The following MDFIC2 variants were observed in gnomAD, a reference collection of about 807,000 sequenced individuals.
The protein encoded by MDFIC2 is myoD family inhibitor domain-containing protein 2.
At chr3:70,247,166 T>C (rs986801654) in intron 2 of MDFIC2, among the ~76,000 whole-genome samples, 2 of 152,022 alleles carry the variant, frequency 1.3e-5, no homozygotes, top group Non-Finnish European at 2.9e-5. Flanking sequence ...TTTTTCTCCT[T>C]TTTTCTAACT....
chr3:70,309,795 C>T (rs57078170), intron 2 of MDFIC2, among the ~76,000 whole-genome samples: 61,495 of 151,986 alleles, frequency 0.4, 12,958 homozygotes, highest in East Asian at 0.64. Flanking sequence ...AAACATAATT[C>T]GAGTGTAGCT....
chr3:70,262,055 T>C (rs546981718), intron 2 of MDFIC2, among the ~76,000 whole-genome samples: 30 of 152,184 alleles, frequency 2.0e-4, no homozygotes, highest in Non-Finnish European at 4.1e-4. Context: ...TCATGTGTCC[T>C]TGCTGGTCAA....
intron 2 of MDFIC2, among the ~76,000 whole-genome samples, chr3:70,256,720 C>T (rs4974264): frequency 0.99 from 151,227 of 152,314 alleles, 75,082 homozygotes; most frequent in Non-Finnish European, 1. Flanking sequence ...GATGGCATTA[C>T]TGGCCTTCTA....
At chr3:70,200,767 T>C (rs1459248704) in intron 3 of MDFIC2, among the ~76,000 whole-genome samples, 1 of 152,198 alleles carries the variant, frequency 6.6e-6, no homozygotes, top group Non-Finnish European at 1.5e-5. Context: ...GTAAATATTG[T>C]AATCCTCATT....
chr3:70,237,953 G>A (rs1414342487), intron 2 of MDFIC2, among the ~76,000 whole-genome samples: 3 of 120,820 alleles, frequency 2.5e-5, no homozygotes, highest in Non-Finnish European at 3.3e-5. Context: ...TAAAAGAGAA[G>A]GGAAAAGAAA....
At chr3:70,250,077 C>T (rs1701746032) in intron 2 of MDFIC2, among the ~76,000 whole-genome samples, 1 of 152,118 alleles carries the variant, frequency 6.6e-6, no homozygotes, top group South Asian at 2.1e-4. Flanking sequence ...TCAGGTTGTG[C>T]AAATTTTACA....
At chr3:70,243,285 A>C (rs1701678273) in intron 2 of MDFIC2, among the ~76,000 whole-genome samples, 2 of 151,974 alleles carry the variant, frequency 1.3e-5, no homozygotes, top group African/African-American at 4.8e-5. Flanking sequence ...GAGGCCTTTG[A>C]AATGTCTTCT....
intron 2 of MDFIC2, among the ~76,000 whole-genome samples, chr3:70,294,044 A>G (rs1702266403): frequency 6.6e-6 from 1 of 152,110 alleles, no homozygotes; most frequent in Admixed American, 6.6e-5. Context: ...ATCAATTTTT[A>G]TTAAGGATAC....
intron 2 of MDFIC2, among the ~76,000 whole-genome samples, chr3:70,275,132 G>A (rs1467377593): frequency 6.6e-6 from 1 of 152,090 alleles, no homozygotes; most frequent in Non-Finnish European, 1.5e-5. Flanking sequence ...TGACTTTATA[G>A]TTATTTAAAT....
chr3:70,289,790 C>T (rs938666422), intron 2 of MDFIC2, among the ~76,000 whole-genome samples: 20 of 152,230 alleles, frequency 1.3e-4, no homozygotes, highest in Middle Eastern at 3.4e-3. Context: ...AACTTTCCTT[C>T]TCGCTTCATT....
chr3:70,223,809 G>T (rs989256335), intron 2 of MDFIC2, among the ~76,000 whole-genome samples: 1 of 152,040 alleles, frequency 6.6e-6, no homozygotes, highest in African/African-American at 2.4e-5. Context: ...TCTTTTAATG[G>T]TTTTTCTCAG....
chr3:70,286,743 G>C (rs1014508042), intron 2 of MDFIC2, among the ~76,000 whole-genome samples: 17 of 152,144 alleles, frequency 1.1e-4, no homozygotes, highest in Non-Finnish European at 1.9e-4. Context: ...CTTGAGCAGT[G>C]GTTTGTAGTT....
intron 2 of MDFIC2, among the ~76,000 whole-genome samples, chr3:70,266,477 G>T (rs968375412): frequency 2.0e-5 from 3 of 152,036 alleles, no homozygotes; most frequent in African/African-American, 7.2e-5. Flanking sequence ...CTGGAGAGTA[G>T]TGGCACAATC....
intron 2 of MDFIC2, among the ~76,000 whole-genome samples, chr3:70,252,444 C>T (rs950702046): frequency 4.6e-5 from 7 of 151,962 alleles, no homozygotes; most frequent in African/African-American, 1.5e-4. Flanking sequence ...TAATAACTGT[C>T]GATGGATTAT....
At chr3:70,239,112 CT>C (rs1195910591) in intron 2 of MDFIC2, among the ~76,000 whole-genome samples, 2 of 152,134 alleles carry the variant, frequency 1.3e-5, no homozygotes, top group Non-Finnish European at 2.9e-5. Context: ...GATGTGGTTT[CT>C]GCTGAACTGG....
intron 2 of MDFIC2, among the ~76,000 whole-genome samples, chr3:70,280,700 C>T (rs1702073938): frequency 6.6e-6 from 1 of 152,152 alleles, no homozygotes; most frequent in Non-Finnish European, 1.5e-5. Flanking sequence ...AGGCAGGTCT[C>T]CAAAGCCAGC....
At chr3:70,214,272 C>T (rs1056267759) in intron 2 of MDFIC2, among the ~76,000 whole-genome samples, 4 of 152,080 alleles carry the variant, frequency 2.6e-5, no homozygotes, top group Admixed American at 2.0e-4. Context: ...TAAAGACTTT[C>T]AAGTTAAAGT....
chr3:70,241,284 G>A (rs926827089), intron 2 of MDFIC2, among the ~76,000 whole-genome samples: 2 of 152,090 alleles, frequency 1.3e-5, no homozygotes, highest in East Asian at 3.9e-4. Context: ...AAAATCAAAA[G>A]GCAAATTATT....
intron 2 of MDFIC2, among the ~76,000 whole-genome samples, chr3:70,232,823 G>A (rs1047917647): frequency 6.6e-6 from 1 of 152,088 alleles, no homozygotes; most frequent in African/African-American, 2.4e-5. Flanking sequence ...TCTTCCCAGG[G>A]TGATTCTCTC....
Sources: allele counts gnomAD v4.1 joint callset (sites outside exome capture counted in the v4.1 genomes callset), GRCh38; gene constraint gnomAD v4.1.1; transcripts MANE v1.5; gene names NCBI Gene and HGNC (gene_info 2026-07-23, HGNC 2026-07-21).